The following ACTR1A variants were observed in gnomAD, a reference collection of about 807,000 sequenced individuals.
ACTR1A encodes actin related protein 1A.
ACTR1A carries 10 observed loss-of-function variants against 50.7 expected under a neutral mutation model. The observed-to-expected ratio is 0.20, with a 90% CI of 0.12 to 0.33. ACTR1A has a LOEUF of 0.33. Ranked by LOEUF, ACTR1A falls within the 10% of genes least tolerant of loss-of-function variation. The pLI is 1.00. For synonymous variants in ACTR1A, 177 were observed against 184.2 expected (o/e 0.96, Z 0.32); for missense variants, 253 against 491.7 (o/e 0.51, Z 4.59).
intron 1 of ACTR1A, among the ~76,000 whole-genome samples, chr10:102,501,370 C>T (rs1172569443): frequency 2.0e-5 from 3 of 152,108 alleles, no homozygotes; most frequent in Admixed American, 6.5e-5. Flanking sequence ...TGTAATATGC[C>T]TAAGGTCCCA....
chr10:102,485,614 G>T lies in ACTR1A; in HGVS notation c.435C>A (p.Leu145=). ...PALFISMQAV[L]SLYATGRTTG... is the part of the protein sequence containing the mutation. Reference sequence around the variant, plus strand: ...GCTAGCCAGCTGCTACTCACAGGCTGAGTACAGCTTGCATGGAGATGAAAA... The same window carrying T: ...GCTAGCCAGCTGCTACTCACAGGCTTAGTACAGCTTGCATGGAGATGAAAA... The change falls in exon 5 of 11, where the codon CTC becomes CTA. Residue 145 remains leucine, a synonymous_variant. Coordinates refer to ENST00000369905, the MANE Select transcript of ACTR1A (RefSeq NM_005736.4). 6.2e-7 allele frequency: 1 copy of T among 1,613,818 alleles called. No individual in the cohort carries two copies. The highest frequency in any genetic ancestry group is 8.5e-7 in the Non-Finnish European group (1 of 1,180,004).
intron 1 of ACTR1A, 62 bp downstream of exon 1, chr10:102,502,538 G>A (rs930664727): frequency 2.6e-5 from 42 of 1,588,944 alleles, no homozygotes; most frequent in African/African-American, 4.0e-5. Context: ...TGAACCCCGG[G>A]AAGCGATCCT....
intron 6 of ACTR1A, chr10:102,483,355 T>C (rs545294852): frequency 8.8e-6 from 4 of 452,456 alleles, no homozygotes; most frequent in South Asian, 8.8e-5. Flanking sequence ...CCCTGGATCC[T>C]AGGTCTGAGA....
At chr10:102,499,605 G>A (rs957228329) in intron 1 of ACTR1A, among the ~76,000 whole-genome samples, 4 of 152,310 alleles carry the variant, frequency 2.6e-5, no homozygotes, top group South Asian at 4.1e-4. Flanking sequence ...GAAAATGGCC[G>A]GAGATGGAAC....
intron 1 of ACTR1A, among the ~76,000 whole-genome samples, chr10:102,492,734 G>C (rs1246686946): frequency 6.6e-6 from 1 of 152,108 alleles, no homozygotes; most frequent in Admixed American, 6.5e-5. Context: ...AGGTGTGGTG[G>C]CTCACGCCTG....
chr10:102,496,889 G>C (rs2062224894), intron 1 of ACTR1A, among the ~76,000 whole-genome samples: 1 of 152,162 alleles, frequency 6.6e-6, no homozygotes, highest in Non-Finnish European at 1.5e-5. Context: ...GTTTTTAAAT[G>C]AGTGTGGGGC....
At chr10:102,481,097 C>A in intron 10 of ACTR1A, 35 bp downstream of exon 10, 1 of 1,604,834 alleles carries the variant, frequency 6.2e-7, no homozygotes, top group African/African-American at 1.3e-5. Flanking sequence ...GCCATCACTT[C>A]CTGTTCTGTT....
intron 5 of ACTR1A, 130 bp downstream of exon 5, chr10:102,485,479 C>T (rs2062163208): frequency 6.3e-6 from 8 of 1,277,650 alleles, no homozygotes; most frequent in African/African-American, 6.0e-5. Context: ...TCTCTCTTTC[C>T]CACCATCTTT....
At chr10:102,485,487 T>G (rs1038980158) in intron 5 of ACTR1A, 122 bp downstream of exon 5, 1 of 1,371,364 alleles carries the variant, frequency 7.3e-7, no homozygotes, top group Non-Finnish European at 9.9e-7. Flanking sequence ...TCCCACCATC[T>G]TTAACCTTTC....
chr10:102,484,409 T>A, intron 5 of ACTR1A, 33 bp from the exon 6 acceptor site: 1 of 1,553,540 alleles, frequency 6.4e-7, no homozygotes, highest in Non-Finnish European at 8.9e-7. Flanking sequence ...CACTCAGCAC[T>A]GCCTCCTCAC....
intron 1 of ACTR1A, among the ~76,000 whole-genome samples, chr10:102,499,321 AAAC>A (rs1213245859): frequency 6.6e-6 from 1 of 152,216 alleles, no homozygotes; most frequent in Non-Finnish European, 1.5e-5. Context: ...CCCAAATGTT[AAAC>A]AACAAGGACT....
At chr10:102,484,513 G>A in intron 5 of ACTR1A, 137 bp from the exon 6 acceptor site, 1 of 730,262 alleles carries the variant, frequency 1.4e-6, no homozygotes, top group Non-Finnish European at 2.2e-6. Context: ...AATGGACTGG[G>A]TACTAAGGAA....
chr10:102,485,770 C>A, intron 4 of ACTR1A, 37 bp from the exon 5 acceptor site: 1 of 1,609,320 alleles, frequency 6.2e-7, no homozygotes. Context: ...GAGGCCAAGG[C>A]CAGATTTCCA....
intron 1 of ACTR1A, among the ~76,000 whole-genome samples, chr10:102,496,170 C>G (rs1033752804): frequency 3.3e-5 from 5 of 152,310 alleles, no homozygotes; most frequent in South Asian, 4.1e-4. Flanking sequence ...TGGTCTCGAT[C>G]TCCTGACCTC....
At chr10:102,487,259 T>C (rs1300809467) in intron 4 of ACTR1A, among the ~76,000 whole-genome samples, 2 of 152,036 alleles carry the variant, frequency 1.3e-5, no homozygotes, top group Non-Finnish European at 2.9e-5. Flanking sequence ...CTACAAAAAA[T>C]ACAAAATTTG....
chr10:102,488,008 A>G lies in ACTR1A; in HGVS notation c.315+142T>C. 1.1e-6 allele frequency: 1 copy of G among 902,476 alleles called. No homozygotes were observed. The highest frequency in any genetic ancestry group is 1.6e-6 in the Non-Finnish European group (1 of 606,620). The allele number at this position is 902,476 out of a possible 1,614,324, so 55.9% of individuals were successfully genotyped here. A position where few individuals can be genotyped will look rare whatever the true frequency, so the allele number is the denominator to read the frequency against. ...ACCTATATCTCATAGGAATGGTGTT[A>G]AGATTAAATCTGAATATGCCTGAAA... On this transcript the variant is annotated intron_variant, in intron 4 of 10. Transcript: ENST00000369905. This position sits in a 1 kb window ranked among gnomAD's most constrained non-coding sequence, Gnocchi z 4.4.
chr10:102,484,005 AGT>A, intron 6 of ACTR1A, 153 bp downstream of exon 6: 1 of 635,820 alleles, frequency 1.6e-6, no homozygotes, highest in South Asian at 1.9e-5. Flanking sequence ...CGAATCTGTC[AGT>A]GTGACGTAGG....
chr10:102,496,751 G>A (rs1297354010), intron 1 of ACTR1A, among the ~76,000 whole-genome samples: 1 of 152,172 alleles, frequency 6.6e-6, no homozygotes, highest in East Asian at 1.9e-4. Flanking sequence ...GATCAGAAAA[G>A]CTGATAACAA....
At chr10:102,495,148 G>A (rs1014298030) in intron 1 of ACTR1A, among the ~76,000 whole-genome samples, 4 of 152,134 alleles carry the variant, frequency 2.6e-5, no homozygotes, top group East Asian at 3.9e-4. Context: ...GTGGTGGTGC[G>A]GGTCCATAGT....
Sources: allele counts gnomAD v4.1 joint callset (sites outside exome capture counted in the v4.1 genomes callset), GRCh38; gene constraint gnomAD v4.1.1; non-coding constraint Gnocchi (gnomAD v3.1); transcripts MANE v1.5; gene names NCBI Gene and HGNC (gene_info 2026-07-23, HGNC 2026-07-21).